XXYLT1: variants seen among roughly 807,000 people sequenced by gnomAD.
XXYLT1 encodes xyloside xylosyltransferase 1.
Under a neutral mutation model 28.9 loss-of-function variants are expected in XXYLT1, and 20 were observed. The observed-to-expected ratio is 0.69, with a 90% CI of 0.49 to 1.00. The LOEUF (loss-of-function observed/expected upper bound fraction) is 1.00, where lower values mean the gene tolerates loss of function less well. XXYLT1 is among the 50% of genes least tolerant of loss of function. The pLI is 0.00. For missense variants in XXYLT1, 542 were observed against 560.1 expected, an observed-to-expected ratio of 0.97 and a Z score of 0.33; for synonymous variants, 257 against 253.8, an observed-to-expected ratio of 1.01 and a Z score of -0.12.
intron 2 of XXYLT1, among the ~76,000 whole-genome samples, chr3:195,157,242 CAA>C (rs34312884): frequency 0.13 from 9,512 of 73,174 alleles, 213 homozygotes; most frequent in African/African-American, 0.21. Context: ...GGCGCCATCT[CAA>C]AAAAAAAAAA....
At chr3:195,086,386 T>C (rs948455000) in intron 3 of XXYLT1, among the ~76,000 whole-genome samples, 4 of 152,132 alleles carry the variant, frequency 2.6e-5, no homozygotes, top group African/African-American at 9.7e-5. Context: ...TCTCGGCCGC[T>C]CCCCTACCCC....
intron 1 of XXYLT1, among the ~76,000 whole-genome samples, chr3:195,241,892 C>A (rs933458131): frequency 1.3e-5 from 2 of 152,120 alleles, no homozygotes; most frequent in African/African-American, 4.8e-5. Context: ...ATTGCATGAC[C>A]AGATTCATTT....
chr3:195,185,127 AAGGAAGGAAGG>A (rs1177527185), intron 2 of XXYLT1, among the ~76,000 whole-genome samples: 1 of 145,630 alleles, frequency 6.9e-6, no homozygotes, highest in Non-Finnish European at 1.5e-5. Flanking sequence ...GGAAGGAAGG[AAGGAAGGAAGG>A]AAGGAAGGAA....
At chr3:195,130,952 C>T (rs1012851678) in intron 3 of XXYLT1, among the ~76,000 whole-genome samples, 3 of 152,294 alleles carry the variant, frequency 2.0e-5, no homozygotes, top group African/African-American at 7.2e-5. Context: ...ACAGGATCCC[C>T]AAGGGTCTGC....
intron 1 of XXYLT1, among the ~76,000 whole-genome samples, chr3:195,253,191 T>C (rs1725341337): frequency 6.6e-6 from 1 of 152,140 alleles, no homozygotes; most frequent in Non-Finnish European, 1.5e-5. Flanking sequence ...AAGGCTGCCC[T>C]AAGCACTGAC....
At chr3:195,247,945 C>T (rs1319723611) in intron 1 of XXYLT1, 3 of 578,644 alleles carry the variant, frequency 5.2e-6, no homozygotes, top group South Asian at 4.0e-5. Context: ...GGAAGTCCCG[C>T]CCCTGTGGTC....
rs113267698 is a variant in XXYLT1 at position 195,149,275 on chromosome 3, A to C, written c.785+7174T>G. ...GGAAAAATAATAACCTCCATATGCT[A>C]TTCAAAACAAAAATGTATCACTTTT... On this transcript the variant is annotated intron_variant, in intron 3 of 3. Coordinates refer to ENST00000310380, the MANE Select transcript of XXYLT1 (RefSeq NM_152531.5). 3.8e-3 allele frequency among the ~76,000 whole-genome samples: 575 copies of C among 152,368 alleles called. 6 individuals are homozygous for C. Among genetic ancestry groups the C allele is most frequent in the African/African-American group, 0.014 (563 of 41,582 alleles).
intron 2 of XXYLT1, among the ~76,000 whole-genome samples, chr3:195,219,161 G>A (rs1257935120): frequency 1.3e-5 from 2 of 149,444 alleles, no homozygotes; most frequent in African/African-American, 4.9e-5. Context: ...TCTGGGGACT[G>A]TTGTGGGGTG....
At position 195,129,151 on chromosome 3, in the gene XXYLT1, A is replaced by T. The variant is rs1317583232; in HGVS notation, c.785+27298T>A. Among the ~76,000 whole-genome samples, 1 of 152,186 alleles carries T rather than the reference A, an allele frequency of 6.6e-6. No homozygotes were observed. Among genetic ancestry groups the T allele is most frequent in the Non-Finnish European group, 1.5e-5 (1 of 68,032 alleles). ...AAGGTCGCGGCTAACATAGAGAGGGACAGCAGAGTTTAGCGTGAACACTGA... is the reference window on the plus strand; with the variant it reads ...AAGGTCGCGGCTAACATAGAGAGGGTCAGCAGAGTTTAGCGTGAACACTGA... On this transcript the variant is annotated intron_variant, in intron 3 of 3. Coordinates refer to ENST00000310380, the MANE Select transcript of XXYLT1 (RefSeq NM_152531.5). The surrounding 1 kb of genome is among the most constrained non-coding windows in gnomAD (Gnocchi z 4.4).
Position 195,129,820 on chromosome 3 carries a change from C to T in XXYLT1, c.785+26629G>A, listed in dbSNP as rs1028967980. ...TGTGGGCGCATGTTTTCAGTTCTCT[C>T]GGGTCTCTGTACACCTATCTAGGAG... On this transcript the variant is annotated intron_variant, in intron 3 of 3. Transcript: ENST00000310380. This position sits in a 1 kb window ranked among gnomAD's most constrained non-coding sequence, Gnocchi z 4.4. Among the ~76,000 whole-genome samples, 2 of 152,074 alleles carry T rather than the reference C, an allele frequency of 1.3e-5. No individual in the cohort carries two copies. Among genetic ancestry groups the T allele is most frequent in the African/African-American group, 4.8e-5 (2 of 41,412 alleles).
intron 3 of XXYLT1, among the ~76,000 whole-genome samples, chr3:195,099,830 C>CAAAAA (rs35428286): frequency 0.11 from 10,836 of 96,762 alleles, 685 homozygotes; most frequent in Non-Finnish European, 0.17. Context: ...GACTCTGTCT[C>CAAAAA]AAAAAAAAAA....
At chr3:195,142,336 G>C (rs1221700901) in intron 3 of XXYLT1, among the ~76,000 whole-genome samples, 1 of 152,170 alleles carries the variant, frequency 6.6e-6, no homozygotes, top group African/African-American at 2.4e-5. Flanking sequence ...GGCAGATCTA[G>C]AAAATGGAGT....
At chr3:195,139,122 C>T (rs1376425158) in intron 3 of XXYLT1, among the ~76,000 whole-genome samples, 2 of 151,984 alleles carry the variant, frequency 1.3e-5, no homozygotes, top group Non-Finnish European at 1.5e-5. Flanking sequence ...TAAAATTAGT[C>T]CAATGTCTAG....
intron 3 of XXYLT1, among the ~76,000 whole-genome samples, chr3:195,139,443 T>C (rs778624112): frequency 3.9e-5 from 6 of 152,166 alleles, no homozygotes; most frequent in Non-Finnish European, 8.8e-5. Flanking sequence ...ATCTCTCATC[T>C]CTGTCCACAG....
rs1577038873 is a variant in XXYLT1, at chr3:195,110,288, T to TAA, written c.786-40178_786-40177insTT. 1.9e-3 allele frequency among the ~76,000 whole-genome samples: 12 copies of TAA among 6,448 alleles called. 1 individual carries two copies. The highest frequency in any genetic ancestry group is 2.9e-3 in the African/African-American group (4 of 1,402). 4.2% of individuals were successfully genotyped at this position (6,448 alleles called of 152,430 possible). A position where few individuals can be genotyped will look rare whatever the true frequency, so the allele number is the denominator to read the frequency against. ...GGGTGTGTGGTGTGTGTGGGGTGTA[T>TAA]GTGTGCGTGTGTGGTATATGTGTGT... On this transcript the variant is annotated intron_variant, in intron 3 of 3. Transcript: ENST00000310380.
intron 3 of XXYLT1, among the ~76,000 whole-genome samples, chr3:195,099,687 C>T (rs1399979762): frequency 2.0e-5 from 3 of 151,860 alleles, no homozygotes; most frequent in South Asian, 2.1e-4. Flanking sequence ...AAAAATTAGC[C>T]GGGCGTGGTG....
intron 1 of XXYLT1, among the ~76,000 whole-genome samples, chr3:195,261,203 C>T (rs182143952): frequency 5.9e-5 from 9 of 152,234 alleles, no homozygotes; most frequent in Non-Finnish European, 1.0e-4. Flanking sequence ...GAGGCGGAGG[C>T]GGGCGGATCA....
At chr3:195,170,757 C>CA (rs1721364942) in intron 2 of XXYLT1, among the ~76,000 whole-genome samples, 1 of 152,106 alleles carries the variant, frequency 6.6e-6, no homozygotes, top group Admixed American at 6.5e-5. Context: ...TAAAGGAACC[C>CA]ACTAAGCCAG....
intron 3 of XXYLT1, chr3:195,154,103 G>C (rs1440074228): frequency 6.6e-6 from 1 of 152,216 alleles, no homozygotes; most frequent in Admixed American, 6.5e-5. Flanking sequence ...AGTCAGACAT[G>C]AGCAGGGCAG....
Sources: gnomAD v4.1 joint callset for allele counts (sites outside exome capture counted in the v4.1 genomes callset) on GRCh38, gnomAD v4.1.1 for gene constraint, Gnocchi (gnomAD v3.1) non-coding constraint, MANE v1.5 for transcripts, NCBI Gene and HGNC (gene_info 2026-07-23, HGNC 2026-07-21) for gene names.